The following OXSR1 variants were observed in gnomAD, a reference collection of about 807,000 sequenced individuals.
OXSR1 encodes the protein oxidative stress responsive kinase 1, also known as serine/threonine-protein kinase OSR1.
OXSR1 carries 24 observed loss-of-function variants against 79.8 expected under a neutral mutation model. The observed-to-expected ratio is 0.30, with a 90% CI of 0.22 to 0.42. The LOEUF (loss-of-function observed/expected upper bound fraction) is 0.42, where lower values mean the gene tolerates loss of function less well. Ranked by LOEUF, OXSR1 falls within the 10% of genes least tolerant of loss-of-function variation. The pLI is 1.00. For missense variants in OXSR1, 430 were observed against 618.4 expected (o/e 0.70, Z 3.23); for synonymous variants, 226 against 209.2 (o/e 1.08, Z -0.69).
intron 4 of OXSR1, among the ~76,000 whole-genome samples, chr3:38,201,118 C>T (rs1051193652): frequency 1.3e-5 from 2 of 152,020 alleles, no homozygotes; most frequent in Non-Finnish European, 2.9e-5. Context: ...GTCGCCCAGG[C>T]TGGTCTTGAG....
chr3:38,248,731 A>G (rs1272735594), intron 14 of OXSR1, among the ~76,000 whole-genome samples: 2 of 152,184 alleles, frequency 1.3e-5, no homozygotes, highest in African/African-American at 4.8e-5. Context: ...TCCTTTACAG[A>G]AGCCTACTTA....
chr3:38,210,040 G>T (rs1575339416), intron 4 of OXSR1, among the ~76,000 whole-genome samples: 1 of 151,500 alleles, frequency 6.6e-6, no homozygotes, highest in Non-Finnish European at 1.5e-5. Context: ...CTGGATACAG[G>T]ATTCTAGGTT....
intron 3 of OXSR1, among the ~76,000 whole-genome samples, chr3:38,192,556 C>G (rs1702003402): frequency 6.6e-6 from 1 of 152,178 alleles, no homozygotes; most frequent in Admixed American, 6.5e-5. Flanking sequence ...TTCCTTTACA[C>G]ACAAAATCTT....
chr3:38,187,225 A>G (rs1464802460), intron 2 of OXSR1, among the ~76,000 whole-genome samples: 1 of 152,204 alleles, frequency 6.6e-6, no homozygotes, highest in Non-Finnish European at 1.5e-5. Context: ...TATTATATAG[A>G]ATATACTCTC....
chr3:38,242,762 C>A lies in OXSR1; in HGVS notation c.1094C>A (p.Ser365Ter). 1 of 1,561,174 alleles carries A rather than the reference C, an allele frequency of 6.4e-7. No individual in the cohort carries two copies. The highest frequency in any genetic ancestry group is 1.1e-5 in the South Asian group (1 of 87,424). ...GTTTAGTCTCCCCGAGTGAAAGAAT[C>A]AATATCAAATTCTGAGGTAAGTAAT... ...SQLRSPRVKE[S>*]ISNSELFPTT... The change falls in exon 12 of 18, where the codon TCA (serine) becomes TAA (stop). Residue 365 changes from serine (S) to a stop codon, truncating the protein, a stop_gained. Coordinates refer to ENST00000311806, the MANE Select transcript of OXSR1 (RefSeq NM_005109.3). LOFTEE classifies it high-confidence loss of function.
chr3:38,185,199 T>C (rs2125810480), intron 2 of OXSR1, among the ~76,000 whole-genome samples: 1 of 152,152 alleles, frequency 6.6e-6, no homozygotes, highest in Middle Eastern at 3.4e-3. Flanking sequence ...TTTAAATCCA[T>C]TTGGAAATCT....
At position 38,230,450 on chromosome 3, in the gene OXSR1, A is replaced by T; in HGVS notation, c.951+20A>T. On this transcript the variant is annotated intron_variant, in intron 10 of 17. Transcript: ENST00000311806. ...AAAAAGGTAAATCAGAATTTAACTC[A>T]GTTTTCCTGAAGAATTTACTTTATT... 1 of 1,514,274 alleles carries T rather than the reference A, an allele frequency of 6.6e-7. No homozygotes were observed. The allele number at this position is 1,514,274 out of a possible 1,614,324, so 93.8% of individuals were successfully genotyped here.
At chr3:38,221,495 A>T (rs1425307854) in intron 5 of OXSR1, 83 bp from the exon 6 acceptor site, 3 of 728,920 alleles carry the variant, frequency 4.1e-6, no homozygotes, top group South Asian at 1.7e-5. Flanking sequence ...TATATATAGG[A>T]TGTTCACTAC....
intron 4 of OXSR1, among the ~76,000 whole-genome samples, chr3:38,206,079 A>G (rs781512669): frequency 5.9e-5 from 9 of 152,244 alleles, no homozygotes; most frequent in Non-Finnish European, 1.0e-4. Context: ...CTCTAAAGAA[A>G]AAAAGTTATT....
At chr3:38,199,548 A>T (rs1334209875) in intron 4 of OXSR1, among the ~76,000 whole-genome samples, 1 of 152,134 alleles carries the variant, frequency 6.6e-6, no homozygotes. Context: ...TTTTTTAATA[A>T]ATAAGAGCAT....
intron 16 of OXSR1, 129 bp from the exon 17 acceptor site, chr3:38,252,199 T>A (rs1703271927): frequency 1.4e-6 from 1 of 707,358 alleles, no homozygotes; most frequent in African/African-American, 1.8e-5. Context: ...GAGTGATTAT[T>A]TGATCTGTCT....
At chr3:38,234,545 T>TA (rs1702880219) in intron 10 of OXSR1, among the ~76,000 whole-genome samples, 1 of 152,230 alleles carries the variant, frequency 6.6e-6, no homozygotes, top group Non-Finnish European at 1.5e-5. Context: ...AACAAAGAGA[T>TA]ACCACTTCAC....
intron 15 of OXSR1, 37 bp downstream of exon 15, chr3:38,250,055 C>A: frequency 1.6e-6 from 2 of 1,284,712 alleles, no homozygotes; most frequent in Non-Finnish European, 2.3e-6. Context: ...AAATAGCTTC[C>A]AATTTGTGAT....
At position 38,165,787 on chromosome 3, in the gene OXSR1, G is replaced by A; in HGVS notation, c.-90G>A. 1.7e-6 allele frequency: 2 copies of A among 1,178,954 alleles called. No individual in the cohort carries two copies. Among genetic ancestry groups the A allele is most frequent in the Non-Finnish European group, 1.2e-6 (1 of 817,978 alleles). The allele number at this position is 1,178,954 out of a possible 1,614,324, so 73.0% of individuals were successfully genotyped here. On this transcript the variant is annotated 5_prime_UTR_variant, in exon 1 of 18. Transcript: ENST00000311806. The stretch of plus-strand genomic sequence containing the variant: ...GATTGGTGGGGGCGCGGCGGCGGCG[G>A]CGGCGGCTGTTGGGGGTGGGGAGAC...
At chr3:38,188,226 T>C (rs888472046) in intron 2 of OXSR1, among the ~76,000 whole-genome samples, 1 of 152,182 alleles carries the variant, frequency 6.6e-6, no homozygotes, top group Non-Finnish European at 1.5e-5. Flanking sequence ...CCTAACTCTT[T>C]ACATTGTCAC....
Position 38,253,180 on chromosome 3 carries a change from G to C in OXSR1, c.*289G>C. On this transcript the variant is annotated 3_prime_UTR_variant, in exon 18 of 18. Coordinates refer to ENST00000311806, the MANE Select transcript of OXSR1 (RefSeq NM_005109.3). ...CCCATGTGCTTCAAGGCCCAGGAGG[G>C]AGATCTGTCAGCTCATTCTTGCCTT... 1 of 382,660 alleles carries C rather than the reference G, an allele frequency of 2.6e-6. No homozygotes were observed. Among genetic ancestry groups the C allele is most frequent in the South Asian group, 4.0e-5 (1 of 24,774 alleles). The allele number at this position is 382,660 out of a possible 1,614,324, so 23.7% of individuals were successfully genotyped here.
At position 38,251,396 on chromosome 3, in the gene OXSR1, C is replaced by G. The variant is rs372275419; in HGVS notation, c.1376-7C>G. The G allele has an allele frequency of 8.7e-6, 14 of 1,612,318 alleles. No homozygotes were observed. Among genetic ancestry groups the G allele is most frequent in the Non-Finnish European group, 1.1e-5 (13 of 1,178,498 alleles). On this transcript the variant is annotated splice_polypyrimidine_tract_variant and splice_region_variant and intron_variant, in intron 15 of 17. Transcript: ENST00000311806. ...AAAACAGAGCACTGTCTTCTTTGTC[C>G]TTGCAGATACAGCAGAGGGTGTCTC...
intron 15 of OXSR1, 24 bp from the exon 16 acceptor site, chr3:38,251,379 G>A (rs942824605): frequency 1.2e-5 from 19 of 1,604,172 alleles, no homozygotes; most frequent in Non-Finnish European, 1.6e-5. Flanking sequence ...AAAAAACAGA[G>A]CACTGTCTTC....
At chr3:38,250,292 A>C (rs1009618460) in intron 15 of OXSR1, 1 of 320,688 alleles carries the variant, frequency 3.1e-6, no homozygotes, top group African/African-American at 2.2e-5. Flanking sequence ...TATCTTATTA[A>C]ATTCTCACAG....
Sources: allele counts gnomAD v4.1 joint callset (sites outside exome capture counted in the v4.1 genomes callset), GRCh38; gene constraint gnomAD v4.1.1; transcripts MANE v1.5; gene names NCBI Gene and HGNC (gene_info 2026-07-23, HGNC 2026-07-21).